The following CTNND2 variants were observed in gnomAD, a reference collection of about 807,000 sequenced individuals.
The protein encoded by CTNND2 is catenin delta 2, also known as catenin delta-2.
A neutral mutation model predicts 144.4 loss-of-function variants in CTNND2; 22 were observed. The ratio of observed to expected loss-of-function variants is 0.15; its 90% CI spans 0.11 to 0.22. The LOEUF (loss-of-function observed/expected upper bound fraction) is 0.22, where lower values mean the gene tolerates loss of function less well. CTNND2 is among the 10% of genes least tolerant of loss of function. The pLI, the probability that CTNND2 is intolerant of heterozygous loss-of-function variation, is 1.00. For missense variants in CTNND2, 1,353 were observed against 1,618.8 expected, an observed-to-expected ratio of 0.84 and a Z score of 2.82; for synonymous variants, 751 against 695.6, an observed-to-expected ratio of 1.08 and a Z score of -1.25.
At chr5:11,635,885 C>T (rs1313505674) in intron 2 of CTNND2, among the ~76,000 whole-genome samples, 1 of 152,106 alleles carries the variant, frequency 6.6e-6, no homozygotes, top group Non-Finnish European at 1.5e-5. Flanking sequence ...CACTCCTACT[C>T]TTTAATGCCA....
intron 3 of CTNND2, among the ~76,000 whole-genome samples, chr5:11,537,548 C>T (rs1294281563): frequency 6.6e-6 from 1 of 152,090 alleles, no homozygotes; most frequent in Non-Finnish European, 1.5e-5. Context: ...CACTAATATC[C>T]TACAGGCATA....
intron 8 of CTNND2, among the ~76,000 whole-genome samples, chr5:11,351,877 A>G (rs1222770589): frequency 6.6e-6 from 1 of 152,238 alleles, no homozygotes; most frequent in Non-Finnish European, 1.5e-5. Context: ...GAAAGTTCAG[A>G]AAACAAAAAT....
chr5:11,842,484 C>A (rs1794522052), intron 1 of CTNND2, among the ~76,000 whole-genome samples: 1 of 152,090 alleles, frequency 6.6e-6, no homozygotes, highest in South Asian at 2.1e-4. Flanking sequence ...CACTGGGAGG[C>A]TGAGGCGGGC....
At chr5:11,573,411 T>A (rs1035671981) in intron 2 of CTNND2, among the ~76,000 whole-genome samples, 1 of 152,102 alleles carries the variant, frequency 6.6e-6, no homozygotes, top group African/African-American at 2.4e-5. Flanking sequence ...ATGAGTTGAC[T>A]CTACAGCCAC....
At chr5:11,208,924 A>G (rs775255093) in intron 10 of CTNND2, among the ~76,000 whole-genome samples, 1 of 152,186 alleles carries the variant, frequency 6.6e-6, no homozygotes, top group African/African-American at 2.4e-5. Flanking sequence ...CTGTAAAGTG[A>G]TATCTCTTTT....
chr5:11,179,284 C>T (rs1760776295), intron 11 of CTNND2, among the ~76,000 whole-genome samples: 1 of 151,554 alleles, frequency 6.6e-6, no homozygotes, highest in Non-Finnish European at 1.5e-5. Flanking sequence ...CAGAGCGAGA[C>T]TCCATCTCAA....
At chr5:11,174,567 A>G (rs183919931) in intron 11 of CTNND2, among the ~76,000 whole-genome samples, 3 of 152,134 alleles carry the variant, frequency 2.0e-5, no homozygotes, top group Admixed American at 6.5e-5. Flanking sequence ...TTTATTGTGC[A>G]TATTTGTAAA....
At chr5:11,423,764 C>T (rs1367643820) in intron 3 of CTNND2, among the ~76,000 whole-genome samples, 1 of 152,172 alleles carries the variant, frequency 6.6e-6, no homozygotes, top group Non-Finnish European at 1.5e-5. Flanking sequence ...GTATATCAAA[C>T]CCTGAATATT....
chr5:11,520,196 T>C (rs1190151330), intron 3 of CTNND2, among the ~76,000 whole-genome samples: 6 of 151,518 alleles, frequency 4.0e-5, no homozygotes, highest in East Asian at 3.9e-4. Context: ...AGAAAATATC[T>C]CTATCTTAGG....
At chr5:11,601,725 G>C (rs984054384) in intron 2 of CTNND2, among the ~76,000 whole-genome samples, 1 of 151,874 alleles carries the variant, frequency 6.6e-6, no homozygotes, top group African/African-American at 2.4e-5. Flanking sequence ...CTTTTAAGTA[G>C]CTATTAAAAT....
chr5:11,643,168 T>G (rs921935636), intron 2 of CTNND2, among the ~76,000 whole-genome samples: 3 of 152,186 alleles, frequency 2.0e-5, no homozygotes, highest in Non-Finnish European at 4.4e-5. Flanking sequence ...GGTGTAATAT[T>G]TTATGTGTGT....
intron 18 of CTNND2, among the ~76,000 whole-genome samples, chr5:11,009,106 G>C (rs976684266): frequency 1.3e-5 from 2 of 152,218 alleles, no homozygotes; most frequent in African/African-American, 4.8e-5. Context: ...TATCTTCCCT[G>C]GTCTGTGTGT....
intron 2 of CTNND2, among the ~76,000 whole-genome samples, chr5:11,675,980 T>C (rs1581705114): frequency 6.6e-6 from 1 of 151,786 alleles, no homozygotes; most frequent in Admixed American, 6.6e-5. Context: ...TAAACTGCAT[T>C]TGAGCTCTGA....
intron 9 of CTNND2, among the ~76,000 whole-genome samples, chr5:11,344,849 C>A (rs1318281417): frequency 6.6e-6 from 1 of 151,880 alleles, no homozygotes; most frequent in Admixed American, 6.6e-5. Context: ...AAAGGATACG[C>A]CATTTAATAA....
chr5:11,733,119 T>C (rs1431287565), intron 1 of CTNND2, among the ~76,000 whole-genome samples: 1 of 152,148 alleles, frequency 6.6e-6, no homozygotes, highest in Non-Finnish European at 1.5e-5. Flanking sequence ...CGTGTATACA[T>C]ATGTGTTTCC....
chr5:10,987,574 G>A (rs920747359), intron 20 of CTNND2, among the ~76,000 whole-genome samples: 4 of 152,056 alleles, frequency 2.6e-5, no homozygotes, highest in African/African-American at 9.7e-5. Context: ...TGGCAAGAGG[G>A]GAAAATATCT....
At chr5:11,242,234 C>A (rs1742529307) in intron 9 of CTNND2, among the ~76,000 whole-genome samples, 1 of 152,162 alleles carries the variant, frequency 6.6e-6, no homozygotes, top group East Asian at 1.9e-4. Context: ...TGCCAAGGTT[C>A]TCTGGTCACA....
Position 11,513,374 on chromosome 5 carries a change from T to A in CTNND2, c.287+51570A>T, listed in dbSNP as rs749312340. Among the ~76,000 whole-genome samples, 14 of 152,354 alleles carry A rather than the reference T, an allele frequency of 9.2e-5. No individual in the cohort carries two copies. In the South Asian group the frequency reaches 2.7e-3, roughly 29 times the overall value. On this transcript the variant is annotated intron_variant, in intron 3 of 21. Coordinates refer to ENST00000304623, the MANE Select transcript of CTNND2 (RefSeq NM_001332.4). Reference sequence around the variant, plus strand: ...ATGTTGTCCTTGACAGCAGGGCCATTACTGCTGTTTCCAAATACCCTCAAG... The same window carrying A: ...ATGTTGTCCTTGACAGCAGGGCCATAACTGCTGTTTCCAAATACCCTCAAG...
At chr5:11,353,289 G>A (rs866064063) in intron 8 of CTNND2, among the ~76,000 whole-genome samples, 2 of 152,182 alleles carry the variant, frequency 1.3e-5, no homozygotes, top group Middle Eastern at 3.4e-3. Flanking sequence ...AGGACGGTGG[G>A]CAGGACTGGG....
Sources: gnomAD v4.1 joint callset for allele counts (sites outside exome capture counted in the v4.1 genomes callset) on GRCh38, gnomAD v4.1.1 for gene constraint, MANE v1.5 for transcripts, NCBI Gene and HGNC (gene_info 2026-07-23, HGNC 2026-07-21) for gene names.